The following RNF130 variants were observed in gnomAD, a reference collection of about 807,000 sequenced individuals.
RNF130 encodes E3 ubiquitin-protein ligase RNF130.
A neutral mutation model predicts 44.6 loss-of-function variants in RNF130; 21 were observed. The ratio of observed to expected loss-of-function variants is 0.47; its 90% confidence interval spans 0.33 to 0.68. RNF130 has a LOEUF of 0.68. Among genes scored for constraint, RNF130 ranks in the 30% least tolerant of loss-of-function variants. The pLI is 0.02. For missense variants in RNF130, 479 were observed against 560.6 expected (o/e 0.85, Z 1.47); for synonymous variants, 214 against 210.4 (o/e 1.02, Z -0.15).
At chr5:179,933,664 G>A (rs1428357556) in intron 7 of RNF130, 1 of 302,234 alleles carries the variant, frequency 3.3e-6, no homozygotes, top group Admixed American at 5.0e-5. Context: ...TGAGACCACA[G>A]TCACGCTCCA....
intron 8 of RNF130, chr5:179,956,113 C>T (rs549859078): frequency 3.7e-4 from 57 of 155,098 alleles, no homozygotes; most frequent in South Asian, 1.8e-3. Flanking sequence ...CAGGAATCCT[C>T]CAGACCTTGT....
At chr5:180,050,451 G>C (rs1340880594) in intron 1 of RNF130, among the ~76,000 whole-genome samples, 1 of 152,132 alleles carries the variant, frequency 6.6e-6, no homozygotes, top group African/African-American at 2.4e-5. Context: ...TGCTTTATTC[G>C]GTCTACCCAT....
At chr5:179,959,672 G>C (rs1277855311) in intron 8 of RNF130, among the ~76,000 whole-genome samples, 1 of 151,772 alleles carries the variant, frequency 6.6e-6, no homozygotes, top group Non-Finnish European at 1.5e-5. Context: ...GAAATACTGA[G>C]AGTAAAATAG....
chr5:180,000,549 A>AT (rs1331800249), intron 3 of RNF130, among the ~76,000 whole-genome samples: 1 of 152,146 alleles, frequency 6.6e-6, no homozygotes, highest in Non-Finnish European at 1.5e-5. Flanking sequence ...CTAATGTTCC[A>AT]TAAGTTTTGT....
intron 1 of RNF130, among the ~76,000 whole-genome samples, chr5:180,065,771 A>C (rs1052199586): frequency 6.7e-5 from 10 of 149,420 alleles, no homozygotes; most frequent in African/African-American, 2.4e-4. Flanking sequence ...AAAAAAAAAA[A>C]ACAACTATGT....
chr5:180,033,227 C>T (rs890171693), intron 2 of RNF130, among the ~76,000 whole-genome samples: 5 of 152,164 alleles, frequency 3.3e-5, no homozygotes, highest in African/African-American at 1.2e-4. Context: ...AGTGATCCTC[C>T]CTCCTTGGCC....
Position 179,922,356 on chromosome 5 carries a change from A to G in RNF130, c.1151-1930T>C, listed in dbSNP as rs928669644. 1.3e-4 allele frequency among the ~76,000 whole-genome samples: 20 copies of G among 152,100 alleles called. No individual in the cohort carries two copies. The East Asian group carries it at 1.8e-3, about 13-fold the overall frequency. ...GAGACAGAGTCTTGCCCTGTTGCCC[A>G]GGCTGGTGTGCAATGGCGCCATCTC... On this transcript the variant is annotated intron_variant, in intron 7 of 7. Transcript: ENST00000522208.
exon 8 of RNF130, chr5:179,920,405 T>A (rs770799016): frequency 1.4e-6 from 1 of 701,750 alleles, no homozygotes; most frequent in South Asian, 1.5e-5. Context: ...GGACAAGGAG[T>A]TTCGATGAAA....
At chr5:180,033,968 T>A (rs4389651) in intron 2 of RNF130, among the ~76,000 whole-genome samples, 19,283 of 152,236 alleles carry the variant, frequency 0.13, 1,393 homozygotes, top group East Asian at 0.27. Context: ...AGAGTGGACA[T>A]CCTTGGCTTG....
chr5:179,931,032 C>CAAAAAAAAAAACAAAAAAAA (rs1761800103), intron 7 of RNF130, among the ~76,000 whole-genome samples: 1 of 74,304 alleles, frequency 1.3e-5, no homozygotes, highest in Non-Finnish European at 2.6e-5. Flanking sequence ...ACCTCTGTCT[C>CAAAAAAAAAAACAAAAAAAA]AAAAAAAAAA....
intron 8 of RNF130, among the ~76,000 whole-genome samples, chr5:179,959,216 A>G (rs1397438287): frequency 6.6e-6 from 1 of 152,160 alleles, no homozygotes; most frequent in Non-Finnish European, 1.5e-5. Context: ...AGAGTCCTTC[A>G]AACACCTGGA....
At chr5:179,969,312 A>G (rs1344863517) in intron 6 of RNF130, among the ~76,000 whole-genome samples, 1 of 151,824 alleles carries the variant, frequency 6.6e-6, no homozygotes, top group Non-Finnish European at 1.5e-5. Flanking sequence ...GTGGTTGTCA[A>G]CAGTTCTCCT....
At chr5:180,021,068 T>A (rs532160252) in intron 2 of RNF130, among the ~76,000 whole-genome samples, 1 of 73,780 alleles carries the variant, frequency 1.4e-5, no homozygotes, top group South Asian at 5.7e-4. Flanking sequence ...CGGGTTCAAC[T>A]GATTCTACTG....
intron 7 of RNF130, among the ~76,000 whole-genome samples, chr5:179,966,224 C>T (rs553350696): frequency 2.0e-5 from 3 of 152,266 alleles, no homozygotes; most frequent in South Asian, 2.1e-4. Context: ...AACTAGCTCA[C>T]GGTATTTTTT....
At chr5:180,050,687 T>C (rs1020722590) in intron 1 of RNF130, among the ~76,000 whole-genome samples, 1 of 152,220 alleles carries the variant, frequency 6.6e-6, no homozygotes, top group African/African-American at 2.4e-5. Flanking sequence ...TAGGTAAACT[T>C]GTATTTTACA....
At chr5:180,033,289 T>C (rs1764174267) in intron 2 of RNF130, among the ~76,000 whole-genome samples, 1 of 152,244 alleles carries the variant, frequency 6.6e-6, no homozygotes, top group Non-Finnish European at 1.5e-5. Flanking sequence ...GCTGAGATTT[T>C]CTTGAATTTC....
At chr5:180,054,505 CTA>C (rs1764761782) in intron 1 of RNF130, among the ~76,000 whole-genome samples, 1 of 152,232 alleles carries the variant, frequency 6.6e-6, no homozygotes, top group Non-Finnish European at 1.5e-5. Flanking sequence ...ACTGAAAAGA[CTA>C]TTCTTTCCCT....
chr5:179,945,972 C>T (rs1317504933), intron 7 of RNF130, among the ~76,000 whole-genome samples: 3 of 152,210 alleles, frequency 2.0e-5, no homozygotes, highest in East Asian at 3.8e-4. Context: ...TCCCCACGGC[C>T]GCATCTGCCC....
In RNF130 at chr5:179,955,434, A is replaced by T. The variant is rs1479219275; in HGVS notation, c.*220T>A. 8 of 442,262 alleles carry T rather than the reference A, an allele frequency of 1.8e-5. No individual in the cohort carries two copies. The highest frequency in any genetic ancestry group is 2.5e-5 in the Non-Finnish European group (6 of 243,716). The allele number at this position is 442,262 out of a possible 1,614,324, so 27.4% of individuals were successfully genotyped here. On this transcript the variant is annotated 3_prime_UTR_variant, in exon 9 of 9. Coordinates refer to ENST00000521389, the MANE Select transcript of RNF130 (RefSeq NM_018434.6). ...AATCTGGGTCTGCGAGCTTCAAATCAGCCCTCAAAACACAGGTCTGGTTAA... is the reference window on the plus strand; with the variant it reads ...AATCTGGGTCTGCGAGCTTCAAATCTGCCCTCAAAACACAGGTCTGGTTAA...
Sources: gnomAD v4.1 joint callset for allele counts (sites outside exome capture counted in the v4.1 genomes callset) on GRCh38, gnomAD v4.1.1 for gene constraint, MANE v1.5 for transcripts, NCBI Gene and HGNC (gene_info 2026-07-23, HGNC 2026-07-21) for gene names.